The following DGCR2 variants were observed in gnomAD, a reference collection of about 807,000 sequenced individuals.
The protein encoded by DGCR2 is integral membrane protein DGCR2/IDD.
DGCR2 carries 24 observed loss-of-function variants against 51.6 expected under a neutral mutation model. The observed-to-expected ratio is 0.47, with a 90% confidence interval of 0.34 to 0.65. The LOEUF is 0.65. DGCR2 is among the 30% of genes least tolerant of loss of function. The pLI is 0.01. For synonymous variants in DGCR2, 340 were observed against 315.4 expected (o/e 1.08, Z -0.82); for missense variants, 765 against 772.1 (o/e 0.99, Z 0.11).
chr22:19,093,668 T>A (rs1204571051), intron 1 of DGCR2, among the ~76,000 whole-genome samples: 6 of 152,142 alleles, frequency 3.9e-5, no homozygotes, highest in Non-Finnish European at 1.5e-5. Context: ...ATATAAAGCA[T>A]GCTCAAATTT....
Position 19,048,454 on chromosome 22 carries a change from A to G in DGCR2, c.992T>C (p.Met331Thr). 1.2e-6 allele frequency: 2 copies of G among 1,614,204 alleles called. No homozygotes were observed. The highest frequency in any genetic ancestry group is 1.7e-6 in the Non-Finnish European group (2 of 1,180,032). Residue 331 changes from methionine (M) to threonine (T), a missense_variant, in exon 7 of 10, where the codon ATG (methionine) becomes ACG (threonine). Physicochemically the swap from Met to Thr is moderately conservative, Grantham distance 81. Transcript: ENST00000263196. The part of the protein sequence containing the change: ...RKDPKECCKF[M>T]CLDPDGNSLF... ...AAGAGTCTCACCTGGGTCCAGACAC[A>G]TGAACTTGCAGCACTCTTTGGGGTC...
chr22:19,079,075 G>A (rs1445103001), intron 2 of DGCR2, among the ~76,000 whole-genome samples: 4 of 152,098 alleles, frequency 2.6e-5, no homozygotes, highest in Non-Finnish European at 5.9e-5. Flanking sequence ...CTAGGAATGT[G>A]TCCGCTTCAT....
At chr22:19,055,847 C>G (rs1402917818) in intron 6 of DGCR2, 2 of 156,220 alleles carry the variant, frequency 1.3e-5, no homozygotes, top group Non-Finnish European at 2.9e-5. Context: ...CCGGCCTGAT[C>G]AAGGGGAATA....
At chr22:19,076,321 C>A (rs911894663) in intron 2 of DGCR2, among the ~76,000 whole-genome samples, 1 of 149,474 alleles carries the variant, frequency 6.7e-6, no homozygotes, top group Non-Finnish European at 1.5e-5. Context: ...TCACCATACT[C>A]GGCTAATTTT....
At chr22:19,093,490 T>G (rs2083103279) in intron 1 of DGCR2, among the ~76,000 whole-genome samples, 1 of 151,962 alleles carries the variant, frequency 6.6e-6, no homozygotes, top group African/African-American at 2.4e-5. Context: ...CTTTAATATA[T>G]CTACCAAAAA....
At position 19,122,382 on chromosome 22, in the gene DGCR2, C is replaced by T; in HGVS notation, c.-176G>A. 1 of 468,238 alleles carries T rather than the reference C, an allele frequency of 2.1e-6. No homozygotes were observed. The allele number at this position is 468,238 out of a possible 1,614,324, so 29.0% of individuals were successfully genotyped here. ...GCTGGCGCACACTCTCGGCTGCAACCTCAGGCACCGACTCCAGCTGCGCGC... is the reference window on the plus strand; with the variant it reads ...GCTGGCGCACACTCTCGGCTGCAACTTCAGGCACCGACTCCAGCTGCGCGC... On this transcript the variant is annotated 5_prime_UTR_variant, in exon 1 of 10. Transcript: ENST00000263196.
chr22:19,084,771 G>A, intron 2 of DGCR2, among the ~76,000 whole-genome samples: 1 of 131,812 alleles, frequency 7.6e-6, no homozygotes, highest in Admixed American at 7.5e-5. Flanking sequence ...TGGGGGGTCA[G>A]CCCCCGCCCG....
At chr22:19,044,871 A>C (rs1188678325) in intron 7 of DGCR2, among the ~76,000 whole-genome samples, 1 of 152,216 alleles carries the variant, frequency 6.6e-6, no homozygotes, top group Non-Finnish European at 1.5e-5. Context: ...TATTCTGAAT[A>C]CAGACCTTTG....
In DGCR2 at chr22:19,038,691, C is replaced by T; in HGVS notation, c.*174G>A. 2.4e-6 allele frequency: 2 copies of T among 823,536 alleles called. No homozygotes were observed. The highest frequency in any genetic ancestry group is 3.8e-6 in the Non-Finnish European group (2 of 530,068). The allele number at this position is 823,536 out of a possible 1,614,324, so 51.0% of individuals were successfully genotyped here. ...CAAGGAAGCTCGGTGCAGGCCATCA[C>T]TTCTTTTGGCAGAAGGCGGGCTGTG... On this transcript the variant is annotated 3_prime_UTR_variant, in exon 10 of 10. Transcript: ENST00000263196.
rs762623181 is a variant in DGCR2, at chr22:19,094,930, T to C, written c.80-5440A>G. On this transcript the variant is annotated intron_variant, in intron 1 of 9. Coordinates refer to ENST00000263196, the MANE Select transcript of DGCR2 (RefSeq NM_005137.3). ...AACATTTATATAAAAATCTAAAAAA[T>C]GCACTTGCAGCTATCAAGACAGAAA... Among the ~76,000 whole-genome samples the C allele has an allele frequency of 3.9e-4, 60 of 152,154 alleles. 1 individual carries two copies. The highest frequency in any genetic ancestry group is 7.9e-4 in the Non-Finnish European group (54 of 67,998).
intron 2 of DGCR2, among the ~76,000 whole-genome samples, chr22:19,079,963 G>A (rs950225340): frequency 6.6e-6 from 1 of 152,260 alleles, no homozygotes; most frequent in East Asian, 1.9e-4. Flanking sequence ...AGAGGCTCTA[G>A]TGAGCCTAGT....
chr22:19,049,769 G>A (rs1426403397), intron 6 of DGCR2, among the ~76,000 whole-genome samples: 1 of 150,758 alleles, frequency 6.6e-6, no homozygotes, highest in Admixed American at 6.6e-5. Flanking sequence ...GTAGGTTGCA[G>A]TGAGCAGAGA....
intron 6 of DGCR2, among the ~76,000 whole-genome samples, chr22:19,048,915 G>A (rs1404063980): frequency 6.6e-6 from 1 of 152,214 alleles, no homozygotes; most frequent in African/African-American, 2.4e-5. Context: ...CTGGGCCTGG[G>A]GAACGAACAA....
At position 19,036,580 on chromosome 22, in the gene DGCR2, A is replaced by T. The variant is rs2082371476; in HGVS notation, c.*2285T>A. Reference sequence around the variant, plus strand: ...ACTGGGGACTGCAGCAGGCCTTGCAAAGGGGGCATTCTGGATGGTGGTGCA... The same window carrying T: ...ACTGGGGACTGCAGCAGGCCTTGCATAGGGGGCATTCTGGATGGTGGTGCA... On this transcript the variant is annotated 3_prime_UTR_variant, in exon 10 of 10. Transcript: ENST00000263196. 6.6e-6 allele frequency: 1 copy of T among 152,268 alleles called. No individual in the cohort carries two copies. The highest frequency in any genetic ancestry group is 6.5e-5 in the Admixed American group (1 of 15,286). The allele number at this position is 152,268 out of a possible 1,614,324, so 9.4% of individuals were successfully genotyped here. A position where few individuals can be genotyped will look rare whatever the true frequency, so the allele number is the denominator to read the frequency against.
At position 19,037,478 on chromosome 22, in the gene DGCR2, C is replaced by T. The variant is rs906889426; in HGVS notation, c.*1387G>A. ...GTGCTGCCCCGCTGGTCTGGAAAGA[C>T]TGAGCGAGACAGCACTGCCTCAGCA... On this transcript the variant is annotated 3_prime_UTR_variant, in exon 10 of 10. Transcript: ENST00000263196. 6.6e-6 allele frequency: 1 copy of T among 152,296 alleles called. No homozygotes were observed. Among genetic ancestry groups the T allele is most frequent in the Admixed American group, 6.5e-5 (1 of 15,282 alleles). The allele number at this position is 152,296 out of a possible 1,614,324, so 9.4% of individuals were successfully genotyped here.
chr22:19,075,400 T>C (rs1207703277), intron 2 of DGCR2, among the ~76,000 whole-genome samples: 2 of 151,732 alleles, frequency 1.3e-5, no homozygotes, highest in African/African-American at 4.9e-5. Flanking sequence ...TGAGCCGAGA[T>C]CGTGCCACTG....
At chr22:19,064,800 T>A in intron 4 of DGCR2, 48 bp downstream of exon 4, 1 of 1,562,338 alleles carries the variant, frequency 6.4e-7, no homozygotes, top group Non-Finnish European at 8.8e-7. Flanking sequence ...TGCTCAGTAG[T>A]CATCAGACTC....
At position 19,036,549 on chromosome 22, in the gene DGCR2, GGTCA is replaced by G. The variant is rs2082371047; in HGVS notation, c.*2312_*2315del. ...AGCAAGGGTGACCCCGGGACTTGCT[GGTCA>G]GACTGGGGACTGCAGCAGGCCTTGC... On this transcript the variant is annotated 3_prime_UTR_variant, in exon 10 of 10. Coordinates refer to ENST00000263196, the MANE Select transcript of DGCR2 (RefSeq NM_005137.3). The G allele has an allele frequency of 6.6e-6, 1 of 152,396 alleles. No individual in the cohort carries two copies. Among genetic ancestry groups the G allele is most frequent in the Non-Finnish European group, 1.5e-5 (1 of 68,098 alleles). 9.4% of individuals were successfully genotyped at this position (152,396 alleles called of 1,614,324 possible).
intron 2 of DGCR2, among the ~76,000 whole-genome samples, chr22:19,072,375 C>T (rs113323394): frequency 0.031 from 4,657 of 152,244 alleles, 106 homozygotes; most frequent in Admixed American, 0.065. Context: ...GGGAAGCCCA[C>T]GTGCACAGAA....
Sources: gnomAD v4.1 joint callset for allele counts (sites outside exome capture counted in the v4.1 genomes callset) on GRCh38, gnomAD v4.1.1 for gene constraint, MANE v1.5 for transcripts, NCBI Gene and HGNC (gene_info 2026-07-23, HGNC 2026-07-21) for gene names.